GRIK3: variants seen among roughly 807,000 people sequenced by gnomAD.
The protein encoded by GRIK3 is glutamate ionotropic receptor kainate type subunit 3.
In GRIK3, 29 loss-of-function variants were observed where a neutral mutation model predicts 102.5. The ratio of observed to expected loss-of-function variants is 0.28; its 90% CI spans 0.21 to 0.39. The LOEUF is 0.39. Among genes scored for constraint, GRIK3 ranks in the 10% least tolerant of loss-of-function variants. GRIK3 has a pLI of 1.00. For synonymous variants in GRIK3, 511 were observed against 504.9 expected (o/e 1.01, Z -0.16); for missense variants, 908 against 1,252.4 (o/e 0.73, Z 4.15).
At chr1:36,972,389 C>G (rs992160593) in intron 1 of GRIK3, among the ~76,000 whole-genome samples, 1 of 152,200 alleles carries the variant, frequency 6.6e-6, no homozygotes, top group Non-Finnish European at 1.5e-5. Context: ...GTAACAGGCT[C>G]ACGGCACCCC....
At chr1:36,804,074 G>A (rs991374948) in intron 15 of GRIK3, among the ~76,000 whole-genome samples, 7 of 152,192 alleles carry the variant, frequency 4.6e-5, no homozygotes, top group African/African-American at 1.2e-4. Context: ...GCGTCCCTTC[G>A]GTTACACCCT....
At chr1:36,840,353 A>G (rs1046577068) in intron 10 of GRIK3, among the ~76,000 whole-genome samples, 2 of 152,048 alleles carry the variant, frequency 1.3e-5, no homozygotes, top group African/African-American at 2.4e-5. Flanking sequence ...GTGCCAGGTA[A>G]GCCTGTGGAA....
At chr1:36,989,375 AGAGGAG>A (rs941209338) in intron 1 of GRIK3, among the ~76,000 whole-genome samples, 13 of 152,010 alleles carry the variant, frequency 8.6e-5, no homozygotes, top group East Asian at 1.9e-4. Flanking sequence ...TCCAGCTGGC[AGAGGAG>A]GAGGAGGAGG....
intron 1 of GRIK3, among the ~76,000 whole-genome samples, chr1:36,958,647 CAATGAG>C (rs1557441340): frequency 6.0e-4 from 64 of 107,448 alleles, no homozygotes; most frequent in Non-Finnish European, 1.0e-3. Flanking sequence ...ACTGTGTGCC[CAATGAG>C]CCTGTGTCCC....
In GRIK3 at chr1:36,833,777, A is replaced by G. The variant is rs115839007; in HGVS notation, c.1531-7951T>C. Among the ~76,000 whole-genome samples, 1,027 of 152,340 alleles carry G rather than the reference A, an allele frequency of 6.7e-3. 11 individuals are homozygous for G. The highest frequency in any genetic ancestry group is 0.023 in the African/African-American group (954 of 41,582). On this transcript the variant is annotated intron_variant, in intron 10 of 15. Transcript: ENST00000373091. Reference sequence around the variant, plus strand: ...AACCAGAGTTCATAGTGCCATGGCCATAACTGGGGTTGGGGGACAGCTTCC... The same window carrying G: ...AACCAGAGTTCATAGTGCCATGGCCGTAACTGGGGTTGGGGGACAGCTTCC...
In GRIK3 at chr1:36,873,802, T is replaced by A. The variant is rs183943017; in HGVS notation, c.551-1433A>T. Among the ~76,000 whole-genome samples the A allele has an allele frequency of 2.1e-3, 326 of 152,324 alleles. 7 individuals are homozygous for A. Among genetic ancestry groups the A allele is most frequent in the Non-Finnish European group, 2.2e-4 (15 of 68,028 alleles). On this transcript the variant is annotated intron_variant, in intron 3 of 15. Transcript: ENST00000373091. ...TGACTCAGAGATAGGTACAATACCA[T>A]TGACTCTCAGAAACTGTGTTAGAAC...
chr1:36,872,462 T>A lies in GRIK3; in HGVS notation c.551-93A>T. ...GGACTTGTGTGCACACACATGCCCA[T>A]GGCCACAGGTCTGCAGACATACACG... On this transcript the variant is annotated intron_variant, in intron 3 of 15. Transcript: ENST00000373091. The surrounding 1 kb of genome is among the most constrained non-coding windows in gnomAD (Gnocchi z 5.9). 9.9e-7 allele frequency: 1 copy of A among 1,011,016 alleles called. No individual in the cohort carries two copies. The highest frequency in any genetic ancestry group is 1.4e-6 in the Non-Finnish European group (1 of 692,510). The allele number at this position is 1,011,016 out of a possible 1,614,324, so 62.6% of individuals were successfully genotyped here. A position where few individuals can be genotyped will look rare whatever the true frequency, so the allele number is the denominator to read the frequency against.
intron 1 of GRIK3, among the ~76,000 whole-genome samples, chr1:36,956,433 G>A (rs940603535): frequency 6.6e-6 from 1 of 152,232 alleles, no homozygotes; most frequent in South Asian, 2.1e-4. Context: ...TTACCCAGAC[G>A]GCAGCATTCC....
At chr1:36,942,885 C>T (rs919433001) in intron 1 of GRIK3, among the ~76,000 whole-genome samples, 6 of 152,158 alleles carry the variant, frequency 3.9e-5, no homozygotes, top group Non-Finnish European at 7.4e-5. Flanking sequence ...GGACCACTCT[C>T]CTGATAGGGC....
chr1:36,817,559 C>T (rs764875913), intron 12 of GRIK3, among the ~76,000 whole-genome samples: 21 of 152,182 alleles, frequency 1.4e-4, no homozygotes, highest in Non-Finnish European at 2.5e-4. Context: ...ATGATTCTGA[C>T]GCAGGCTAAA....
chr1:36,942,418 A>G (rs1641733165), intron 1 of GRIK3, among the ~76,000 whole-genome samples: 1 of 152,172 alleles, frequency 6.6e-6, no homozygotes, highest in South Asian at 2.1e-4. Context: ...TCTGGTAAAG[A>G]CCTGCTAATT....
At chr1:36,950,489 A>T (rs906795753) in intron 1 of GRIK3, among the ~76,000 whole-genome samples, 1 of 152,254 alleles carries the variant, frequency 6.6e-6, no homozygotes, top group Non-Finnish European at 1.5e-5. Context: ...GTTGTGGCCA[A>T]TGTTTAAGCC....
intron 1 of GRIK3, among the ~76,000 whole-genome samples, chr1:36,931,545 G>A (rs1193594105): frequency 6.6e-6 from 1 of 152,184 alleles, no homozygotes; most frequent in Admixed American, 6.5e-5. Context: ...AGTTTCATGA[G>A]GATATGGACA....
At chr1:36,897,246 C>T (rs1412654838) in intron 1 of GRIK3, among the ~76,000 whole-genome samples, 1 of 151,954 alleles carries the variant, frequency 6.6e-6, no homozygotes, top group East Asian at 1.9e-4. Flanking sequence ...TGTAGAAAAC[C>T]CCAAATATTT....
intron 1 of GRIK3, among the ~76,000 whole-genome samples, chr1:36,984,374 C>T (rs1476041801): frequency 6.6e-6 from 1 of 152,230 alleles, no homozygotes; most frequent in African/African-American, 2.4e-5. Flanking sequence ...AGGACAGGGG[C>T]CTGAGTCAGG....
At chr1:36,836,586 T>C (rs967411255) in intron 10 of GRIK3, among the ~76,000 whole-genome samples, 2 of 152,208 alleles carry the variant, frequency 1.3e-5, no homozygotes, top group African/African-American at 2.4e-5. Context: ...AACTTCTCCA[T>C]AGGAAAGTAT....
chr1:36,823,639 C>T (rs1295556953), intron 11 of GRIK3, among the ~76,000 whole-genome samples: 1 of 152,146 alleles, frequency 6.6e-6, no homozygotes, highest in East Asian at 1.9e-4. Context: ...GCAGCTGCCC[C>T]CTTCAGCCAG....
chr1:36,981,623 T>C (rs1325080315), intron 1 of GRIK3, among the ~76,000 whole-genome samples: 1 of 150,238 alleles, frequency 6.7e-6, no homozygotes, highest in Non-Finnish European at 1.5e-5. Context: ...GCCTGTCTGA[T>C]TGCAGTCTGC....
At chr1:37,032,380 AC>A (rs995999415) in intron 1 of GRIK3, among the ~76,000 whole-genome samples, 1 of 151,430 alleles carries the variant, frequency 6.6e-6, no homozygotes, top group African/African-American at 2.4e-5. Flanking sequence ...GGCAAATAGC[AC>A]CCTCTCAGTC....
Sources: gnomAD v4.1 joint callset for allele counts (sites outside exome capture counted in the v4.1 genomes callset) on GRCh38, gnomAD v4.1.1 for gene constraint, Gnocchi (gnomAD v3.1) non-coding constraint, MANE v1.5 for transcripts, NCBI Gene and HGNC (gene_info 2026-07-23, HGNC 2026-07-21) for gene names.